DROSHA: variants seen among roughly 807,000 people sequenced by gnomAD.
The protein encoded by DROSHA is drosha ribonuclease III, also known as ribonuclease 3.
A neutral mutation model predicts 181.9 loss-of-function variants in DROSHA; 56 were observed. That is an observed-to-expected ratio of 0.31 (90% CI 0.25 to 0.38). The LOEUF is 0.38. Among genes scored for constraint, DROSHA ranks in the 10% least tolerant of loss-of-function variants. DROSHA has a pLI of 1.00. For missense variants in DROSHA, 1,218 were observed against 1,743.5 expected (o/e 0.70, Z 5.37); for synonymous variants, 524 against 591.2 (o/e 0.89, Z 1.65).
chr5:31,518,187 G>A (rs1190236274), intron 6 of DROSHA, among the ~76,000 whole-genome samples: 1 of 152,132 alleles, frequency 6.6e-6, no homozygotes, highest in Admixed American at 6.5e-5. Flanking sequence ...TAACACAGTG[G>A]TAAATATTTA....
In DROSHA at chr5:31,459,097, C is replaced by T. The variant is rs1033271086; in HGVS notation, c.2574+5139G>A. Reference sequence around the variant, plus strand: ...AACAGACTAAAATAAATTTAACAGACAATGAGAAAAATGTAAACATTGACT... The same window carrying T: ...AACAGACTAAAATAAATTTAACAGATAATGAGAAAAATGTAAACATTGACT... On this transcript the variant is annotated intron_variant, in intron 20 of 35. Transcript: ENST00000344624. Among the ~76,000 whole-genome samples, 11 of 152,166 alleles carry T rather than the reference C, an allele frequency of 7.2e-5. No individual in the cohort carries two copies. In the East Asian group the frequency reaches 2.1e-3, roughly 29 times the overall value.
intron 22 of DROSHA, 45 bp from the exon 23 acceptor site, chr5:31,448,652 G>T (rs771125233): frequency 2.1e-6 from 3 of 1,439,974 alleles, no homozygotes; most frequent in African/African-American, 2.8e-5. Context: ...ACGGATAGAA[G>T]AATTATAGGA....
In DROSHA at chr5:31,470,407, A is replaced by T. The variant is rs1044228491; in HGVS notation, c.2241+1656T>A. On this transcript the variant is annotated intron_variant, in intron 17 of 35. Coordinates refer to ENST00000344624, the MANE Select transcript of DROSHA (RefSeq NM_001382508.1). The surrounding 1 kb of genome is among the most constrained non-coding windows in gnomAD (Gnocchi z 4.0). The stretch of plus-strand genomic sequence containing the variant: ...ATATGTTAGTGGTCTTTGGGTTTTC[A>T]CCTGGGCAAGCATCATACATTAGTT... 6.6e-6 allele frequency among the ~76,000 whole-genome samples: 1 copy of T among 152,100 alleles called. No homozygotes were observed. Among genetic ancestry groups the T allele is most frequent in the Non-Finnish European group, 1.5e-5 (1 of 68,002 alleles).
chr5:31,470,273 C>T lies in DROSHA; in HGVS notation c.2241+1790G>A, dbSNP rs1749584353. On this transcript the variant is annotated intron_variant, in intron 17 of 35. Transcript: ENST00000344624. The surrounding 1 kb of genome is among the most constrained non-coding windows in gnomAD (Gnocchi z 4.0). ...TACAATTTCTCAATTCCTCAGAGAT[C>T]TTACTGTTTAGGAAGCACCCCTGGC... Among the ~76,000 whole-genome samples the T allele has an allele frequency of 6.6e-6, 1 of 152,158 alleles. No homozygotes were observed. The highest frequency in any genetic ancestry group is 2.1e-4 in the South Asian group (1 of 4,832).
intron 23 of DROSHA, among the ~76,000 whole-genome samples, chr5:31,443,545 T>C (rs914773031): frequency 6.6e-6 from 1 of 152,206 alleles, no homozygotes; most frequent in Non-Finnish European, 1.5e-5. Flanking sequence ...ATGAATTAAA[T>C]ATAACTATTC....
rs1052792761 is a variant in DROSHA at position 31,409,983 on chromosome 5, AAAG to A, written c.3668-654_3668-652del. Among the ~76,000 whole-genome samples the A allele has an allele frequency of 1.1e-4, 17 of 150,166 alleles. No homozygotes were observed. The highest frequency in any genetic ancestry group is 1.3e-4 in the Non-Finnish European group (9 of 68,020). Reference sequence around the variant, plus strand: ...GCTTTCATTGAGCTAAAAAAAAAAAAAAGAATGATCTCTCTGTTTAATTTTTAT... The same window carrying A: ...GCTTTCATTGAGCTAAAAAAAAAAAAAATGATCTCTCTGTTTAATTTTTAT... On this transcript the variant is annotated intron_variant, in intron 31 of 35. Transcript: ENST00000344624. This position sits in a 1 kb window ranked among gnomAD's most constrained non-coding sequence, Gnocchi z 4.0.
chr5:31,483,531 C>T (rs1751293574), intron 16 of DROSHA, 23 bp downstream of exon 16: 3 of 1,609,458 alleles, frequency 1.9e-6, no homozygotes, highest in Non-Finnish European at 2.5e-6. Flanking sequence ...CTCACCAGGT[C>T]ACTGACAAGC....
At chr5:31,519,903 G>A (rs1561289673) in intron 6 of DROSHA, among the ~76,000 whole-genome samples, 2 of 152,144 alleles carry the variant, frequency 1.3e-5, no homozygotes, top group African/African-American at 4.8e-5. Flanking sequence ...ACAAACTACT[G>A]AAAACATTTG....
chr5:31,471,312 A>AC (rs1420300626), intron 17 of DROSHA, among the ~76,000 whole-genome samples: 4 of 152,142 alleles, frequency 2.6e-5, no homozygotes, highest in African/African-American at 4.8e-5. Flanking sequence ...AAATATTTTA[A>AC]TTCTTCATTT....
At chr5:31,401,643 A>C (rs1200884026) in intron 35 of DROSHA, 81 bp from the exon 36 acceptor site, 2 of 923,166 alleles carry the variant, frequency 2.2e-6, no homozygotes, top group African/African-American at 3.5e-5. Flanking sequence ...CTAAACATAT[A>C]CACATACAAA....
chr5:31,477,180 A>G (rs1269360201), intron 16 of DROSHA, among the ~76,000 whole-genome samples: 1 of 152,184 alleles, frequency 6.6e-6, no homozygotes, highest in East Asian at 1.9e-4. Context: ...CAGACTTTAT[A>G]AACTGTTTCT....
At chr5:31,413,336 A>T (rs1200723948) in intron 30 of DROSHA, among the ~76,000 whole-genome samples, 1 of 152,216 alleles carries the variant, frequency 6.6e-6, no homozygotes, top group African/African-American at 2.4e-5. Context: ...CATCATCCAT[A>T]TTCTCATCGT....
intron 10 of DROSHA, among the ~76,000 whole-genome samples, chr5:31,505,281 T>C (rs1315672812): frequency 6.6e-6 from 1 of 152,158 alleles, no homozygotes; most frequent in Non-Finnish European, 1.5e-5. Context: ...TCAATGAATA[T>C]CTGTTCTAGA....
chr5:31,402,239 G>A (rs911306207), intron 35 of DROSHA, among the ~76,000 whole-genome samples: 1 of 152,144 alleles, frequency 6.6e-6, no homozygotes, highest in African/African-American at 2.4e-5. Flanking sequence ...ATGCTTGGGG[G>A]CAAGTTCATT....
intron 23 of DROSHA, among the ~76,000 whole-genome samples, chr5:31,440,002 C>T (rs1745378511): frequency 2.6e-5 from 4 of 152,228 alleles, no homozygotes; most frequent in East Asian, 1.9e-4. Context: ...AGCTGCCTGT[C>T]GAGTCTCAAC....
intron 11 of DROSHA, among the ~76,000 whole-genome samples, chr5:31,500,227 G>C (rs547972012): frequency 6.6e-6 from 1 of 152,210 alleles, no homozygotes; most frequent in Non-Finnish European, 1.5e-5. Context: ...GCCCCAACTG[G>C]GGAGGTGCTG....
At chr5:31,475,581 C>A (rs1186461486) in intron 16 of DROSHA, among the ~76,000 whole-genome samples, 1 of 152,114 alleles carries the variant, frequency 6.6e-6, no homozygotes, top group Non-Finnish European at 1.5e-5. Flanking sequence ...ACCTAGAGAA[C>A]CTTGGAAAGA....
chr5:31,529,076 A>G lies in DROSHA; in HGVS notation c.-17T>C, dbSNP rs376149435. On this transcript the variant is annotated 5_prime_UTR_variant, in exon 4 of 36. Transcript: ENST00000344624. ...CTGCATCATGATGTTCCGCCTGGAT[A>G]TGTCACATCTTCCACAGAGAATATA... is the stretch of plus-strand genomic sequence containing the variant. 83 of 1,612,586 alleles carry G rather than the reference A, an allele frequency of 5.1e-5. No individual in the cohort carries two copies. Among genetic ancestry groups the G allele is most frequent in the Non-Finnish European group, 6.9e-5 (81 of 1,179,516 alleles).
intron 25 of DROSHA, among the ~76,000 whole-genome samples, chr5:31,434,333 G>A (rs1444243002): frequency 6.6e-6 from 1 of 152,168 alleles, no homozygotes. Context: ...TTATTAATAT[G>A]TATTTCCAGT....
Sources: allele counts gnomAD v4.1 joint callset (sites outside exome capture counted in the v4.1 genomes callset), GRCh38; gene constraint gnomAD v4.1.1; non-coding constraint Gnocchi (gnomAD v3.1); transcripts MANE v1.5; gene names NCBI Gene and HGNC (gene_info 2026-07-23, HGNC 2026-07-21).